The following CSMD1 variants were observed in gnomAD, a reference collection of about 807,000 sequenced individuals.
CSMD1 encodes the protein CUB and Sushi multiple domains 1.
CSMD1 carries 213 observed loss-of-function variants against 417.5 expected under a neutral mutation model. The observed-to-expected ratio is 0.51, with a 90% CI of 0.46 to 0.57. The LOEUF (loss-of-function observed/expected upper bound fraction) is 0.57, where lower values mean the gene tolerates loss of function less well. CSMD1 is among the 20% of genes least tolerant of loss of function. The probability of loss-of-function intolerance (pLI) is 0.00; values close to 1 mark genes in which losing one functional copy is unlikely to be tolerated. For synonymous variants in CSMD1, 2,862 were observed against 1,736.8 expected (o/e 1.65, Z -16.11); for missense variants, 6,923 against 4,529.7 (o/e 1.53, Z -15.17).
At chr8:3,794,701 T>C (rs1343055772) in intron 5 of CSMD1, among the ~76,000 whole-genome samples, 2 of 152,136 alleles carry the variant, frequency 1.3e-5, no homozygotes, top group Non-Finnish European at 2.9e-5. Flanking sequence ...ACTGCTTGAC[T>C]GTAAACCTAG....
chr8:3,215,350 C>G (rs577296498), intron 29 of CSMD1, among the ~76,000 whole-genome samples: 2 of 152,314 alleles, frequency 1.3e-5, no homozygotes, highest in South Asian at 2.1e-4. Context: ...ACTGGATGTA[C>G]TAACAGCCAA....
At chr8:4,622,575 C>T (rs193015973) in intron 2 of CSMD1, among the ~76,000 whole-genome samples, 11 of 152,152 alleles carry the variant, frequency 7.2e-5, no homozygotes, top group Admixed American at 1.3e-4. Context: ...AGCTGGCAAA[C>T]GCGACATGTG....
chr8:4,755,529 T>C (rs1026841840), intron 1 of CSMD1, among the ~76,000 whole-genome samples: 4 of 152,174 alleles, frequency 2.6e-5, no homozygotes, highest in Non-Finnish European at 5.9e-5. Flanking sequence ...TTCAACTCTG[T>C]CTTATACACC....
At chr8:3,331,895 G>C (rs1806920752) in intron 23 of CSMD1, among the ~76,000 whole-genome samples, 1 of 152,180 alleles carries the variant, frequency 6.6e-6, no homozygotes, top group South Asian at 2.1e-4. Context: ...CTGTCCTCCA[G>C]AGAGAAATTC....
intron 3 of CSMD1, among the ~76,000 whole-genome samples, chr8:4,051,419 G>T (rs1798418604): frequency 6.6e-6 from 1 of 151,932 alleles, no homozygotes; most frequent in Non-Finnish European, 1.5e-5. Flanking sequence ...AGTTAAATCA[G>T]ACCGCAAGGT....
At chr8:4,110,302 C>T (rs1446309133) in intron 3 of CSMD1, among the ~76,000 whole-genome samples, 1 of 152,082 alleles carries the variant, frequency 6.6e-6, no homozygotes, top group Non-Finnish European at 1.5e-5. Context: ...ATTTATTTAT[C>T]CACCATTTCC....
At chr8:3,954,334 G>A (rs1194369407) in intron 5 of CSMD1, among the ~76,000 whole-genome samples, 3 of 152,050 alleles carry the variant, frequency 2.0e-5, no homozygotes, top group Non-Finnish European at 4.4e-5. Flanking sequence ...GAAGAGAGAA[G>A]GTCAAGAGCC....
intron 5 of CSMD1, among the ~76,000 whole-genome samples, chr8:3,896,973 T>A (rs1000154398): frequency 6.6e-6 from 1 of 152,032 alleles, no homozygotes; most frequent in South Asian, 2.1e-4. Flanking sequence ...TAACATGACA[T>A]CCTAGATAGC....
chr8:4,348,846 C>G (rs569845328), intron 3 of CSMD1, among the ~76,000 whole-genome samples: 4 of 152,144 alleles, frequency 2.6e-5, no homozygotes, highest in East Asian at 1.9e-4. Context: ...TTTTAAGGTA[C>G]GAACATGCTC....
At chr8:4,159,206 G>A (rs774176929) in intron 3 of CSMD1, among the ~76,000 whole-genome samples, 18 of 152,202 alleles carry the variant, frequency 1.2e-4, no homozygotes, top group Non-Finnish European at 1.9e-4. Flanking sequence ...ATGAGCCACC[G>A]TGCCCAGCCC....
intron 8 of CSMD1, among the ~76,000 whole-genome samples, chr8:3,596,944 C>T (rs1361806666): frequency 6.6e-6 from 1 of 152,178 alleles, no homozygotes; most frequent in Non-Finnish European, 1.5e-5. Context: ...CCCCTCTTAG[C>T]AGCACACTTC....
chr8:4,337,883 T>G (rs1800260626), intron 3 of CSMD1, among the ~76,000 whole-genome samples: 1 of 152,158 alleles, frequency 6.6e-6, no homozygotes, highest in Non-Finnish European at 1.5e-5. Flanking sequence ...GGCATTTTCT[T>G]CAGCTTAAGA....
chr8:3,104,844 A>G (rs1816018639), intron 46 of CSMD1, among the ~76,000 whole-genome samples: 1 of 152,004 alleles, frequency 6.6e-6, no homozygotes, highest in Non-Finnish European at 1.5e-5. Context: ...AGTAGCTGGC[A>G]TTACAGGCAT....
Position 3,230,096 on chromosome 8 carries a change from G to A in CSMD1, c.4289C>T (p.Thr1430Ile), listed in dbSNP as rs1160028656. The part of the protein sequence containing the change: ...GYQLQGQAKI[T>I]CVQLNNRFFW... ...GAACCGGTTATTCAGCTGCACACAGGTGATTTTGGCTTGTCCTTGGAGCTG... is the reference window on the plus strand; with the variant it reads ...GAACCGGTTATTCAGCTGCACACAGATGATTTTGGCTTGTCCTTGGAGCTG... Residue 1430 changes from threonine to isoleucine, a missense_variant, in exon 27 of 70, where the codon ACC becomes ATC. Coordinates refer to ENST00000635120, the MANE Select transcript of CSMD1 (RefSeq NM_033225.6). 4 of 1,613,588 alleles carry A rather than the reference G, an allele frequency of 2.5e-6. No homozygotes were observed. The Admixed American group carries it at 6.7e-5, about 27-fold the overall frequency.
intron 3 of CSMD1, among the ~76,000 whole-genome samples, chr8:4,198,328 C>T (rs965465665): frequency 3.9e-5 from 6 of 152,234 alleles, no homozygotes; most frequent in Admixed American, 3.3e-4. Flanking sequence ...GACAAGAGTA[C>T]GTCATGGTGG....
chr8:3,310,626 T>G (rs933291121), intron 23 of CSMD1, among the ~76,000 whole-genome samples: 2 of 152,230 alleles, frequency 1.3e-5, no homozygotes, highest in Non-Finnish European at 2.9e-5. Context: ...AAAAAACTTT[T>G]GAGTTCAGCA....
intron 3 of CSMD1, among the ~76,000 whole-genome samples, chr8:4,191,655 T>C (rs542809245): frequency 1.3e-5 from 2 of 150,890 alleles, no homozygotes; most frequent in East Asian, 2.0e-4. Context: ...TGAAAAGCCA[T>C]ATGTAAAATT....
intron 6 of CSMD1, among the ~76,000 whole-genome samples, chr8:3,733,072 T>G (rs188272392): frequency 3.9e-4 from 59 of 151,806 alleles, no homozygotes; most frequent in African/African-American, 1.4e-3. Flanking sequence ...CTGATTGGTT[T>G]TATAAAAGTG....
rs1418472737 is a variant in CSMD1 at position 4,146,611 on chromosome 8, T to G, written c.416-114512A>C. On this transcript the variant is annotated intron_variant, in intron 3 of 69. Transcript: ENST00000635120. The stretch of plus-strand genomic sequence containing the variant: ...ATGGACACATTTTTTTTTTTTTTTT[T>G]TTTTTTTTTTTTTTTTTTGAGACAG... Among the ~76,000 whole-genome samples, 9 of 108,744 alleles carry G rather than the reference T, an allele frequency of 8.3e-5. 1 individual carries two copies. Among genetic ancestry groups the G allele is most frequent in the African/African-American group, 3.3e-4 (9 of 27,028 alleles). 71.3% of individuals were successfully genotyped at this position (108,744 alleles called of 152,430 possible).
Sources: gnomAD v4.1 joint callset for allele counts (sites outside exome capture counted in the v4.1 genomes callset) on GRCh38, gnomAD v4.1.1 for gene constraint, MANE v1.5 for transcripts, NCBI Gene and HGNC (gene_info 2026-07-23, HGNC 2026-07-21) for gene names.